The following EPHA3 variants were observed in gnomAD, a reference collection of about 807,000 sequenced individuals.
The protein encoded by EPHA3 is EPH receptor A3.
EPHA3 carries 42 observed loss-of-function variants against 107.1 expected under a neutral mutation model. The ratio of observed to expected loss-of-function variants is 0.39; its 90% CI spans 0.31 to 0.51. EPHA3 has a LOEUF of 0.51. EPHA3 is among the 20% of genes least tolerant of loss of function. EPHA3 has a pLI of 0.78. For missense variants in EPHA3, 1,183 were observed against 1,211.2 expected, an observed-to-expected ratio of 0.98 and a Z score of 0.35; for synonymous variants, 461 against 424.8, an observed-to-expected ratio of 1.09 and a Z score of -1.05.
At chr3:89,240,400 A>G (rs924543073) in intron 3 of EPHA3, among the ~76,000 whole-genome samples, 3 of 152,176 alleles carry the variant, frequency 2.0e-5, no homozygotes, top group African/African-American at 7.2e-5. Flanking sequence ...TGTTATGCAC[A>G]TATTTATACC....
At chr3:89,459,125 C>A (rs560094273) in intron 15 of EPHA3, among the ~76,000 whole-genome samples, 16 of 152,222 alleles carry the variant, frequency 1.1e-4, no homozygotes, top group Admixed American at 6.5e-4. Flanking sequence ...CAGCAAACCA[C>A]CAAGTCACAT....
intron 2 of EPHA3, among the ~76,000 whole-genome samples, chr3:89,143,530 G>C (rs1704475113): frequency 6.6e-6 from 1 of 151,544 alleles, no homozygotes; most frequent in Non-Finnish European, 1.5e-5. Flanking sequence ...GTCTATAGTG[G>C]TTGGAAATTT....
At chr3:89,459,687 T>C (rs1460468611) in intron 15 of EPHA3, among the ~76,000 whole-genome samples, 1 of 152,116 alleles carries the variant, frequency 6.6e-6, no homozygotes, top group African/African-American at 2.4e-5. Context: ...CATGCCTGAC[T>C]AATGTTTGTA....
Position 89,324,259 on chromosome 3 carries a change from C to T in EPHA3, c.815-16657C>T, listed in dbSNP as rs534211248. Reference sequence around the variant, plus strand: ...CTTGGCTCACCGCAACCTCCACTTCCCAGGTTGAAGCGATTCTCATGCTTC... The same window carrying T: ...CTTGGCTCACCGCAACCTCCACTTCTCAGGTTGAAGCGATTCTCATGCTTC... On this transcript the variant is annotated intron_variant, in intron 3 of 16. Coordinates refer to ENST00000336596, the MANE Select transcript of EPHA3 (RefSeq NM_005233.6). Among the ~76,000 whole-genome samples, 59 of 151,518 alleles carry T rather than the reference C, an allele frequency of 3.9e-4. No individual in the cohort carries two copies. In the South Asian group the frequency reaches 0.011, roughly 29 times the overall value.
At chr3:89,189,560 T>G (rs542215814) in intron 2 of EPHA3, among the ~76,000 whole-genome samples, 8 of 152,212 alleles carry the variant, frequency 5.3e-5, no homozygotes, top group Non-Finnish European at 1.0e-4. Flanking sequence ...GCCACTGTAC[T>G]GCAGCCTGGT....
chr3:89,444,167 A>G (rs576771522), intron 13 of EPHA3, among the ~76,000 whole-genome samples: 290 of 152,254 alleles, frequency 1.9e-3, no homozygotes, highest in African/African-American at 6.8e-3. Flanking sequence ...TCAGTTTTTC[A>G]TAAGCTTATG....
chr3:89,398,972 A>T (rs192543609), intron 6 of EPHA3, among the ~76,000 whole-genome samples: 1,722 of 152,228 alleles, frequency 0.011, 37 homozygotes, highest in African/African-American at 0.039. Context: ...TCTACTAAAA[A>T]TACAAAAATT....
At chr3:89,350,572 A>G (rs568341991) in intron 5 of EPHA3, among the ~76,000 whole-genome samples, 2,171 of 149,818 alleles carry the variant, frequency 0.014, 33 homozygotes, top group African/African-American at 0.047. Flanking sequence ...ATGTCCTCCC[A>G]TAGCTCAGAG....
intron 2 of EPHA3, among the ~76,000 whole-genome samples, chr3:89,131,372 C>G (rs538571130): frequency 6.6e-6 from 1 of 152,076 alleles, no homozygotes; most frequent in African/African-American, 2.4e-5. Flanking sequence ...ATCAAAGCCT[C>G]TATATATTGT....
At chr3:89,202,507 C>A (rs1705990815) in intron 2 of EPHA3, among the ~76,000 whole-genome samples, 1 of 79,786 alleles carries the variant, frequency 1.3e-5, no homozygotes. Context: ...CTGAGCGAGA[C>A]TCTGTCTCAA....
intron 2 of EPHA3, among the ~76,000 whole-genome samples, chr3:89,178,230 A>G (rs1382522924): frequency 7.3e-6 from 1 of 136,862 alleles, no homozygotes; most frequent in Non-Finnish European, 1.6e-5. Flanking sequence ...GCTTATAATC[A>G]AGAGACATAT....
chr3:89,247,756 G>A (rs1160741043), intron 3 of EPHA3, among the ~76,000 whole-genome samples: 8 of 152,082 alleles, frequency 5.3e-5, no homozygotes, highest in Admixed American at 1.3e-4. Context: ...TTCAGCAAAC[G>A]AAATTTGAGT....
intron 3 of EPHA3, among the ~76,000 whole-genome samples, chr3:89,248,110 A>G (rs1559617995): frequency 6.6e-6 from 1 of 152,186 alleles, no homozygotes; most frequent in Non-Finnish European, 1.5e-5. Context: ...CTTAATCTAG[A>G]CTAATAAGGC....
At chr3:89,379,406 C>T (rs772390165) in intron 5 of EPHA3, among the ~76,000 whole-genome samples, 11 of 152,126 alleles carry the variant, frequency 7.2e-5, no homozygotes, top group Non-Finnish European at 1.2e-4. Flanking sequence ...AGCATATTCC[C>T]CACCTGCACC....
At chr3:89,346,237 G>T (rs1206579924) in intron 5 of EPHA3, among the ~76,000 whole-genome samples, 1 of 127,966 alleles carries the variant, frequency 7.8e-6, no homozygotes, top group African/African-American at 3.1e-5. Context: ...CCCACCAACA[G>T]TGTAAAAGTG....
chr3:89,389,720 C>T (rs1338668711), intron 5 of EPHA3, among the ~76,000 whole-genome samples: 1 of 152,160 alleles, frequency 6.6e-6, no homozygotes, highest in East Asian at 1.9e-4. Context: ...TGTCTGTCAC[C>T]AGATCTGGCA....
intron 2 of EPHA3, among the ~76,000 whole-genome samples, chr3:89,175,849 G>A (rs1040482669): frequency 1.8e-4 from 27 of 152,048 alleles, no homozygotes; most frequent in African/African-American, 6.5e-4. Context: ...GGAGAGAGAA[G>A]GGCAAAAACA....
intron 3 of EPHA3, among the ~76,000 whole-genome samples, chr3:89,338,983 T>A (rs1707454992): frequency 1.3e-5 from 2 of 152,126 alleles, no homozygotes; most frequent in African/African-American, 4.8e-5. Context: ...AGAATGCTAC[T>A]CAAACTAGTC....
At chr3:89,416,278 T>C (rs1188959057) in intron 10 of EPHA3, among the ~76,000 whole-genome samples, 1 of 151,412 alleles carries the variant, frequency 6.6e-6, no homozygotes, top group African/African-American at 2.4e-5. Context: ...CTTATTAGAA[T>C]TAAAAAATCA....
Sources: gnomAD v4.1 joint callset for allele counts (sites outside exome capture counted in the v4.1 genomes callset) on GRCh38, gnomAD v4.1.1 for gene constraint, MANE v1.5 for transcripts, NCBI Gene and HGNC (gene_info 2026-07-23, HGNC 2026-07-21) for gene names.